Variants in HYCC2 observed in about 807,000 individuals in gnomAD.
HYCC2 encodes hyccin 2.
At chr2:201,042,633 C>A in the HYCC2 span, among the ~76,000 whole-genome samples, 1 of 151,736 alleles carries the variant, frequency 6.6e-6, no homozygotes, top group African/African-American at 2.4e-5. Context: ...AGCCCCTCCG[C>A]CTGGCAGCCG....
At chr2:200,988,507 G>A in the HYCC2 span, 1 of 947,794 alleles carries the variant, frequency 1.1e-6, no homozygotes, top group East Asian at 2.6e-5. Context: ...TTTCGAATAT[G>A]TATTTAAAAT....
chr2:201,037,589 A>T, the HYCC2 span, among the ~76,000 whole-genome samples: 1 of 152,218 alleles, frequency 6.6e-6, no homozygotes, highest in Non-Finnish European at 1.5e-5. Context: ...ATAATGCCAC[A>T]TATCTACAAC....
the HYCC2 span, among the ~76,000 whole-genome samples, chr2:201,070,314 A>G: frequency 3.2e-4 from 48 of 152,294 alleles, no homozygotes; most frequent in African/African-American, 1.1e-3. Flanking sequence ...TAAATAATTC[A>G]TAAGTAGCTT....
At chr2:201,028,255 C>G in the HYCC2 span, among the ~76,000 whole-genome samples, 1 of 152,080 alleles carries the variant, frequency 6.6e-6, no homozygotes, top group Admixed American at 6.6e-5. Flanking sequence ...ATCCAACTTA[C>G]AAGACATGTG....
the HYCC2 span, among the ~76,000 whole-genome samples, chr2:201,034,120 C>A: frequency 6.6e-6 from 1 of 151,860 alleles, no homozygotes; most frequent in Non-Finnish European, 1.5e-5. Context: ...AATGAAATAC[C>A]TTTAAATAGA....
the HYCC2 span, among the ~76,000 whole-genome samples, chr2:201,032,555 G>T: frequency 1.3e-5 from 2 of 151,954 alleles, no homozygotes; most frequent in Non-Finnish European, 2.9e-5. Flanking sequence ...CTTCATAGAG[G>T]TCAACACAAT....
chr2:200,993,045 CAAATA>C, the HYCC2 span: 1 of 1,308,510 alleles, frequency 7.6e-7, no homozygotes, highest in Non-Finnish European at 1.1e-6. Flanking sequence ...CCAGATTCAT[CAAATA>C]AAATAGTTTT....
the HYCC2 span, among the ~76,000 whole-genome samples, chr2:200,998,736 T>C: frequency 2.0e-5 from 3 of 152,232 alleles, no homozygotes; most frequent in African/African-American, 4.8e-5. Flanking sequence ...CTTAACCCAG[T>C]TGACCCACTT....
the HYCC2 span, among the ~76,000 whole-genome samples, chr2:201,042,392 G>A: frequency 6.6e-6 from 1 of 152,112 alleles, no homozygotes; most frequent in Non-Finnish European, 1.5e-5. Flanking sequence ...TCTAGGAAGT[G>A]AGGAGCGTCT....
At chr2:201,011,690 A>G in the HYCC2 span, among the ~76,000 whole-genome samples, 1 of 152,226 alleles carries the variant, frequency 6.6e-6, no homozygotes, top group Non-Finnish European at 1.5e-5. Flanking sequence ...CCACAGAGAG[A>G]TGGACATTGA....
chr2:200,978,435 T>C, the HYCC2 span: 1 of 146,450 alleles, frequency 6.8e-6, no homozygotes, highest in East Asian at 2.0e-4. Flanking sequence ...TGTATATACA[T>C]ACAGATAAAT....
At chr2:201,035,208 G>A in the HYCC2 span, among the ~76,000 whole-genome samples, 3 of 152,154 alleles carry the variant, frequency 2.0e-5, no homozygotes, top group African/African-American at 7.2e-5. Context: ...TTCCAACTTG[G>A]TTCCATTCTC....
chr2:201,049,469 G>GC, the HYCC2 span, among the ~76,000 whole-genome samples: 58 of 150,692 alleles, frequency 3.8e-4, no homozygotes, highest in Non-Finnish European at 3.8e-4. Context: ...TCCTGCCTCA[G>GC]CCCCCCGAGT....
the HYCC2 span, among the ~76,000 whole-genome samples, chr2:201,020,422 G>A: frequency 3.0e-4 from 46 of 152,138 alleles, no homozygotes; most frequent in African/African-American, 1.0e-3. Context: ...AGTAGACAGA[G>A]GCTATGAATA....
chr2:201,035,539 G>A, the HYCC2 span, among the ~76,000 whole-genome samples: 13 of 151,984 alleles, frequency 8.6e-5, 1 homozygote, highest in South Asian at 4.1e-4. Flanking sequence ...TCTTTGCCAC[G>A]GGTTCGAACT....
chr2:201,066,019 A>T, the HYCC2 span, among the ~76,000 whole-genome samples: 1 of 152,338 alleles, frequency 6.6e-6, no homozygotes, highest in East Asian at 1.9e-4. Flanking sequence ...CAGATACTGT[A>T]AAATACTGCA....
chr2:201,063,407 A>G, the HYCC2 span: 60 of 1,589,360 alleles, frequency 3.8e-5, no homozygotes, highest in Middle Eastern at 6.8e-4. Flanking sequence ...TGTGAAAAAG[A>G]TATTTGTTGG....
At chr2:201,042,608 C>A in the HYCC2 span, among the ~76,000 whole-genome samples, 2 of 151,544 alleles carry the variant, frequency 1.3e-5, no homozygotes, top group African/African-American at 4.9e-5. Context: ...GCCCAGCAGC[C>A]GCCCCGTCTG....
the HYCC2 span, among the ~76,000 whole-genome samples, chr2:201,032,451 A>T: frequency 6.6e-6 from 1 of 152,172 alleles, no homozygotes; most frequent in African/African-American, 2.4e-5. Context: ...TCCAAATTAC[A>T]TCTTCACAAT....
Sources: gnomAD v4.1 joint callset for allele counts (sites outside exome capture counted in the v4.1 genomes callset) on GRCh38, gnomAD v4.1.1 for gene constraint, MANE v1.5 for transcripts, NCBI Gene and HGNC (gene_info 2026-07-23, HGNC 2026-07-21) for gene names.